Variants in ABCA12 observed in about 807,000 individuals in gnomAD.
The protein encoded by ABCA12 is ATP binding cassette subfamily A member 12.
A neutral mutation model predicts 293.5 loss-of-function variants in ABCA12; 156 were observed. That is an observed-to-expected ratio of 0.53 (90% CI 0.47 to 0.61). The LOEUF is 0.61. ABCA12 is among the 20% of genes least tolerant of loss of function. The pLI, the probability that ABCA12 is intolerant of heterozygous loss-of-function variation, is 0.00. For missense variants in ABCA12, 2,797 were observed against 3,090.2 expected (o/e 0.91, Z 2.25); for synonymous variants, 1,063 against 1,108.0 (o/e 0.96, Z 0.81).
intron 7 of ABCA12, among the ~76,000 whole-genome samples, chr2:215,044,112 GA>G (rs1701156462): frequency 6.6e-6 from 1 of 151,950 alleles, no homozygotes; most frequent in African/African-American, 2.4e-5. Context: ...CTATTATCAA[GA>G]AATAAACATC....
chr2:214,989,291 C>T (rs1699861879), intron 26 of ABCA12, 38 bp downstream of exon 26: 2 of 1,601,746 alleles, frequency 1.2e-6, no homozygotes, highest in Admixed American at 1.7e-5. Flanking sequence ...TTGAAGTCAA[C>T]CATAAAAAGC....
At chr2:214,956,814 C>T in intron 41 of ABCA12, 36 bp from the exon 42 acceptor site, 1 of 1,356,696 alleles carries the variant, frequency 7.4e-7, no homozygotes, top group Non-Finnish European at 1.0e-6. Flanking sequence ...TAATACGTGA[C>T]AAGCATTTTT....
Position 214,966,740 on chromosome 2 carries a change from A to G in ABCA12, c.5884+108T>C. On this transcript the variant is annotated intron_variant, in intron 39 of 52. Transcript: ENST00000272895. ...CTCCTTTTAAAGACCTGTGATTTAG[A>G]TACCATAAAATACCTGCCACCTGTG... 7 of 962,002 alleles carry G rather than the reference A, an allele frequency of 7.3e-6. 1 individual carries two copies. Among genetic ancestry groups the G allele is most frequent in the Non-Finnish European group, 1.2e-5 (7 of 599,626 alleles). The allele number at this position is 962,002 out of a possible 1,614,324, so 59.6% of individuals were successfully genotyped here. A position where few individuals can be genotyped will look rare whatever the true frequency, so the allele number is the denominator to read the frequency against.
At chr2:214,958,015 A>G (rs113038420) in intron 41 of ABCA12, among the ~76,000 whole-genome samples, 2 of 152,244 alleles carry the variant, frequency 1.3e-5, no homozygotes, top group African/African-American at 4.8e-5. Context: ...ATATGAATTT[A>G]ACAGATCTGG....
chr2:215,004,063 G>C, intron 20 of ABCA12, 146 bp downstream of exon 20: 1 of 652,092 alleles, frequency 1.5e-6, no homozygotes, highest in Non-Finnish European at 2.7e-6. Flanking sequence ...AGATAGGGGG[G>C]ATATATCCAG....
intron 2 of ABCA12, among the ~76,000 whole-genome samples, chr2:215,100,256 C>T (rs1416349609): frequency 6.6e-6 from 1 of 152,134 alleles, no homozygotes; most frequent in Non-Finnish European, 1.5e-5. Context: ...AAACACTCTA[C>T]TTTGGCTAGA....
chr2:215,112,497 GTTTTTTTTT>G (rs1702596241), intron 1 of ABCA12, among the ~76,000 whole-genome samples: 6 of 125,610 alleles, frequency 4.8e-5, no homozygotes, highest in Non-Finnish European at 8.6e-5. Context: ...TTTTTTTTTT[GTTTTTTTTT>G]GTTTTTTTTT....
At chr2:215,072,969 C>T (rs1211870287) in intron 2 of ABCA12, among the ~76,000 whole-genome samples, 1 of 152,146 alleles carries the variant, frequency 6.6e-6, no homozygotes, top group Non-Finnish European at 1.5e-5. Flanking sequence ...GTGGCAGGCA[C>T]CTGTAACCCC....
At chr2:215,026,562 A>C (rs1328037587) in intron 10 of ABCA12, among the ~76,000 whole-genome samples, 1 of 152,214 alleles carries the variant, frequency 6.6e-6, no homozygotes, top group Non-Finnish European at 1.5e-5. Flanking sequence ...GGCCATTATC[A>C]TATTATCCAT....
chr2:214,972,444 T>C (rs1329890125), intron 36 of ABCA12, among the ~76,000 whole-genome samples: 2 of 152,350 alleles, frequency 1.3e-5, no homozygotes, highest in East Asian at 3.9e-4. Context: ...GGTCTCTCTC[T>C]GTCACCCAGG....
At chr2:215,094,923 A>T (rs1302364483) in intron 2 of ABCA12, among the ~76,000 whole-genome samples, 1 of 151,922 alleles carries the variant, frequency 6.6e-6, no homozygotes, top group Non-Finnish European at 1.5e-5. Context: ...TGCCTTACAT[A>T]GTTCTCTTCT....
Position 215,004,219 on chromosome 2 carries a change from T to C in ABCA12, c.2673A>G (p.Ile891Met). The C allele has an allele frequency of 1.9e-6, 3 of 1,613,806 alleles. No individual in the cohort carries two copies. Among genetic ancestry groups the C allele is most frequent in the Non-Finnish European group, 1.7e-6 (2 of 1,179,800 alleles). ...TGAATTTGGACTCACCGAGTTCATC[T>C]ATCTGTTTCAATAGTTCAACAGCAT... is the stretch of plus-strand genomic sequence containing the variant. ...GLDAVELLKQ[I>M]DELDILRLKL... The change falls in exon 20 of 53, where the codon ATA becomes ATG. Residue 891 changes from isoleucine (I) to methionine (M), a missense_variant. Physicochemically the swap from Ile to Met is conservative, Grantham distance 10 (BLOSUM62 1). This residue lies in a region of ABCA12 where 2,130 missense variants were observed against 2,427.0 expected (regional missense o/e 0.88). Coordinates refer to ENST00000272895, the MANE Select transcript of ABCA12 (RefSeq NM_173076.3).
At chr2:215,107,275 G>T (rs1702482386) in intron 2 of ABCA12, among the ~76,000 whole-genome samples, 1 of 152,178 alleles carries the variant, frequency 6.6e-6, no homozygotes, top group African/African-American at 2.4e-5. Context: ...TTACAGCTTG[G>T]CTTAGTCTAA....
intron 1 of ABCA12, among the ~76,000 whole-genome samples, chr2:215,131,510 G>A (rs1288144553): frequency 6.6e-6 from 1 of 151,788 alleles, no homozygotes; most frequent in Non-Finnish European, 1.5e-5. Context: ...AGGTTTTCTA[G>A]TTTGTGTGAA....
chr2:215,135,238 C>A (rs1703199672), intron 1 of ABCA12, among the ~76,000 whole-genome samples: 1 of 152,218 alleles, frequency 6.6e-6, no homozygotes, highest in Admixed American at 6.5e-5. Context: ...GGATTACAGG[C>A]ATGAGCCACT....
At chr2:214,944,769 C>A (rs1470245468) in intron 49 of ABCA12, among the ~76,000 whole-genome samples, 1 of 152,044 alleles carries the variant, frequency 6.6e-6, no homozygotes, top group African/African-American at 2.4e-5. Context: ...TGAAACCTGC[C>A]TGACTTGCTC....
chr2:214,943,347 G>T (rs142274227), intron 49 of ABCA12, among the ~76,000 whole-genome samples: 1 of 151,798 alleles, frequency 6.6e-6, no homozygotes, highest in South Asian at 2.1e-4. Flanking sequence ...GTCTTGCCAT[G>T]TTGCCCAGAC....
intron 20 of ABCA12, among the ~76,000 whole-genome samples, chr2:215,002,216 AG>A (rs1700161078): frequency 6.6e-6 from 1 of 152,222 alleles, no homozygotes; most frequent in Admixed American, 6.5e-5. Context: ...GCTGTGATAT[AG>A]AAACACTTAA....
At chr2:215,020,550 T>A (rs924921151) in intron 11 of ABCA12, among the ~76,000 whole-genome samples, 2 of 152,286 alleles carry the variant, frequency 1.3e-5, no homozygotes, top group South Asian at 2.1e-4. Context: ...TGAGGAGTTG[T>A]TTAATGAATA....
Sources: allele counts gnomAD v4.1 joint callset (sites outside exome capture counted in the v4.1 genomes callset), GRCh38; gene constraint gnomAD v4.1.1; regional missense constraint gnomAD v4.1.1; transcripts MANE v1.5; gene names NCBI Gene and HGNC (gene_info 2026-07-23, HGNC 2026-07-21).